Variants in UCN observed in about 807,000 individuals in gnomAD.
UCN encodes the protein urocortin.
Under a neutral mutation model 6.5 loss-of-function variants are expected in UCN, and 5 were observed. That is an observed-to-expected ratio of 0.77 (90% CI 0.40 to 1.62). The LOEUF (loss-of-function observed/expected upper bound fraction) is 1.62. Among genes scored for constraint, UCN ranks in the 40% most tolerant of loss-of-function variants. The pLI is 0.02. For missense variants in UCN, 195 were observed against 188.8 expected (o/e 1.03, Z -0.19); for synonymous variants, 95 against 96.4 (o/e 0.99, Z 0.09).
chr2:27,308,063 C>G lies in UCN; in HGVS notation c.-14+97G>C, dbSNP rs1679292468. On this transcript the variant is annotated intron_variant, in intron 1 of 1. Coordinates refer to ENST00000296099, the MANE Select transcript of UCN (RefSeq NM_003353.4). This position sits in a 1 kb window ranked among gnomAD's most constrained non-coding sequence, Gnocchi z 4.2. ...GCCACTGCGCCAGTGCTGTTCCATC[C>G]CTTCCACCCAGCCTCCCTCCCCGGA... The G allele has an allele frequency of 6.1e-6, 4 of 650,768 alleles. No individual in the cohort carries two copies. The highest frequency in any genetic ancestry group is 9.0e-6 in the Non-Finnish European group (4 of 444,126). The allele number at this position is 650,768 out of a possible 1,614,324, so 40.3% of individuals were successfully genotyped here. A position where few individuals can be genotyped will look rare whatever the true frequency, so the allele number is the denominator to read the frequency against.
Position 27,307,975 on chromosome 2 carries a change from C to G in UCN, c.-13-67G>C. 1.5e-6 allele frequency: 2 copies of G among 1,302,632 alleles called. No individual in the cohort carries two copies. The allele number at this position is 1,302,632 out of a possible 1,614,324, so 80.7% of individuals were successfully genotyped here. On this transcript the variant is annotated intron_variant, in intron 1 of 1. Coordinates refer to ENST00000296099, the MANE Select transcript of UCN (RefSeq NM_003353.4). The surrounding 1 kb of genome is among the most constrained non-coding windows in gnomAD (Gnocchi z 6.9). ...CAGCTGCAGGCCGCCGCTCCCCTCC[C>G]CGCGCTCGCCCGGCGACCCCTCCGG...
chr2:27,307,856 GCAGCGCGGCCAGCA>G lies in UCN; in HGVS notation c.26_39del (p.Leu9ProfsTer77). 1 of 1,492,578 alleles carries G rather than the reference GCAGCGCGGCCAGCA, an allele frequency of 6.7e-7. No homozygotes were observed. The highest frequency in any genetic ancestry group is 2.8e-5 in the East Asian group (1 of 35,366). 92.5% of individuals were successfully genotyped at this position (1,492,578 alleles called of 1,614,324 possible). On this transcript the variant is annotated frameshift_variant, in exon 2 of 2. Coordinates refer to ENST00000296099, the MANE Select transcript of UCN (RefSeq NM_003353.4). LOFTEE classifies it high-confidence loss of function. This position sits in a 1 kb window ranked among gnomAD's most constrained non-coding sequence, Gnocchi z 6.9. ...CCAGGGCACAGCTGTACCAGGAGCA[GCAGCGCGGCCAGCA>G]GCGCTGCGCGTCCCGCCTGCCTCAT...
rs1184855349 is a variant in UCN at position 27,307,857 on chromosome 2, CAG to C, written c.37_38del (p.Leu13AlafsTer77). 6.7e-7 allele frequency: 1 copy of C among 1,491,276 alleles called. No homozygotes were observed. Among genetic ancestry groups the C allele is most frequent in the Non-Finnish European group, 8.9e-7 (1 of 1,128,598 alleles). The allele number at this position is 1,491,276 out of a possible 1,614,324, so 92.4% of individuals were successfully genotyped here. ...QAGRAALLAALLLLVQLCPGS... is the reference protein window; with the variant it reads ...QAGRAALLAAXLLLVQLCPGS... ...CAGGGCACAGCTGTACCAGGAGCAGCAGCGCGGCCAGCAGCGCTGCGCGTCCC... is the reference window on the plus strand; with the variant it reads ...CAGGGCACAGCTGTACCAGGAGCAGCCGCGGCCAGCAGCGCTGCGCGTCCC... On this transcript the variant is annotated frameshift_variant, in exon 2 of 2. Transcript: ENST00000296099. LOFTEE classifies it high-confidence loss of function. This position sits in a 1 kb window ranked among gnomAD's most constrained non-coding sequence, Gnocchi z 6.9.
chr2:27,307,922 G>A lies in UCN; in HGVS notation c.-13-14C>T. On this transcript the variant is annotated splice_polypyrimidine_tract_variant and intron_variant, in intron 1 of 1. Coordinates refer to ENST00000296099, the MANE Select transcript of UCN (RefSeq NM_003353.4). This position sits in a 1 kb window ranked among gnomAD's most constrained non-coding sequence, Gnocchi z 6.9. ...GTGCCGCCGGCCCTGGACACACAGGGGCAGCGCAGGGTGAGGTGCGCCTGG... is the reference window on the plus strand; with the variant it reads ...GTGCCGCCGGCCCTGGACACACAGGAGCAGCGCAGGGTGAGGTGCGCCTGG... 5 of 1,409,608 alleles carry A rather than the reference G, an allele frequency of 3.5e-6. No homozygotes were observed. The highest frequency in any genetic ancestry group is 3.2e-5 in the Admixed American group (1 of 31,348). The allele number at this position is 1,409,608 out of a possible 1,614,324, so 87.3% of individuals were successfully genotyped here.
chr2:27,308,316 A>G lies in UCN; in HGVS notation c.-170T>C, dbSNP rs993519021. The G allele has an allele frequency of 6.2e-6, 1 of 161,054 alleles. No individual in the cohort carries two copies. The highest frequency in any genetic ancestry group is 1.3e-5 in the Non-Finnish European group (1 of 74,302). 10.0% of individuals were successfully genotyped at this position (161,054 alleles called of 1,614,324 possible). On this transcript the variant is annotated 5_prime_UTR_variant, in exon 1 of 2. It removes an upstream start codon present in the reference 5' UTR. Coordinates refer to ENST00000296099, the MANE Select transcript of UCN (RefSeq NM_003353.4). The surrounding 1 kb of genome is among the most constrained non-coding windows in gnomAD (Gnocchi z 4.2). ...GCTCCGACTGACGTCAGCGAAGAACATGCACTGATTGTAGAAGCAATGACA... is the reference window on the plus strand; with the variant it reads ...GCTCCGACTGACGTCAGCGAAGAACGTGCACTGATTGTAGAAGCAATGACA...
rs1315938674 is a variant in UCN, at chr2:27,307,450, G to A, written c.*71C>T. On this transcript the variant is annotated 3_prime_UTR_variant, in exon 2 of 2. Transcript: ENST00000296099. This position sits in a 1 kb window ranked among gnomAD's most constrained non-coding sequence, Gnocchi z 6.9. ...ATAGTCACGCAGACAGTGCCCTGGT[G>A]GCTCTGCCCCGCATCCCAACTCTGG... 17 of 1,600,632 alleles carry A rather than the reference G, an allele frequency of 1.1e-5. No individual in the cohort carries two copies. Among genetic ancestry groups the A allele is most frequent in the Non-Finnish European group, 1.4e-5 (17 of 1,175,130 alleles).
In UCN at chr2:27,307,412, C is replaced by T; in HGVS notation, c.*109G>A. On this transcript the variant is annotated 3_prime_UTR_variant, in exon 2 of 2. Coordinates refer to ENST00000296099, the MANE Select transcript of UCN (RefSeq NM_003353.4). This position sits in a 1 kb window ranked among gnomAD's most constrained non-coding sequence, Gnocchi z 6.9. Reference sequence around the variant, plus strand: ...GACAAAAGCCAACGGGTCTTCAGTACTTTTATTAAAAAATAGTCACGCAGA... The same window carrying T: ...GACAAAAGCCAACGGGTCTTCAGTATTTTTATTAAAAAATAGTCACGCAGA... 3 of 1,509,652 alleles carry T rather than the reference C, an allele frequency of 2.0e-6. No homozygotes were observed. The highest frequency in any genetic ancestry group is 2.7e-6 in the Non-Finnish European group (3 of 1,130,194). The allele number at this position is 1,509,652 out of a possible 1,614,324, so 93.5% of individuals were successfully genotyped here. A position where few individuals can be genotyped will look rare whatever the true frequency, so the allele number is the denominator to read the frequency against.
Position 27,307,601 on chromosome 2 carries a change from G to C in UCN, c.295C>G (p.Leu99Val). The change falls in exon 2 of 2, where the codon CTG (leucine) becomes GTG (valine). Residue 99 changes from leucine (L) to valine (V), a missense_variant. By Grantham distance (32) the Leu-to-Val change is conservative (BLOSUM62 1). Transcript: ENST00000296099. The surrounding 1 kb of genome is among the most constrained non-coding windows in gnomAD (Gnocchi z 6.9). ...CTCTGCGTCCGCGCCAGCTCCAGCA[G>C]GGTCCGCAGCAGGTGAAAGGTGAGG... ...IDLTFHLLRTLLELARTQSQR... is the reference protein window; with the variant it reads ...IDLTFHLLRTVLELARTQSQR... 6.2e-7 allele frequency: 1 copy of C among 1,612,816 alleles called. No individual in the cohort carries two copies. Among genetic ancestry groups the C allele is most frequent in the Non-Finnish European group, 8.5e-7 (1 of 1,179,956 alleles).
chr2:27,308,032 G>A lies in UCN; in HGVS notation c.-13-124C>T. On this transcript the variant is annotated intron_variant, in intron 1 of 1. Transcript: ENST00000296099. The surrounding 1 kb of genome is among the most constrained non-coding windows in gnomAD (Gnocchi z 4.2). ...CCCAATGCCCGCAGCCTGCCCTCCA[G>A]CCCCAGCCACTGCGCCAGTGCTGTT... The A allele has an allele frequency of 1.1e-6, 1 of 916,930 alleles. No individual in the cohort carries two copies. Among genetic ancestry groups the A allele is most frequent in the Non-Finnish European group, 1.5e-6 (1 of 679,870 alleles). The allele number at this position is 916,930 out of a possible 1,614,324, so 56.8% of individuals were successfully genotyped here.
At position 27,307,448 on chromosome 2, in the gene UCN, G is replaced by C; in HGVS notation, c.*73C>G. ...AAATAGTCACGCAGACAGTGCCCTG[G>C]TGGCTCTGCCCCGCATCCCAACTCT... On this transcript the variant is annotated 3_prime_UTR_variant, in exon 2 of 2. Transcript: ENST00000296099. This position sits in a 1 kb window ranked among gnomAD's most constrained non-coding sequence, Gnocchi z 6.9. 6.3e-7 allele frequency: 1 copy of C among 1,599,884 alleles called. No individual in the cohort carries two copies. Among genetic ancestry groups the C allele is most frequent in the Non-Finnish European group, 8.5e-7 (1 of 1,174,712 alleles).
chr2:27,307,720 G>T lies in UCN; in HGVS notation c.176C>A (p.Ala59Glu). 1 of 1,531,842 alleles carries T rather than the reference G, an allele frequency of 6.5e-7. No individual in the cohort carries two copies. Among genetic ancestry groups the T allele is most frequent in the Non-Finnish European group, 8.8e-7 (1 of 1,141,658 alleles). The allele number at this position is 1,531,842 out of a possible 1,614,324, so 94.9% of individuals were successfully genotyped here. ...GGARALLLLL[A>E]ERFPRRAGPG... The stretch of plus-strand genomic sequence containing the variant: ...CCCCGCGCGGCGCGGGAAGCGCTCC[G>T]CCAGCAGCAAGAGGAGCGCGCGGGC... The change falls in exon 2 of 2, where the codon GCG becomes GAG. Residue 59 changes from alanine (A) to glutamate (E), a missense_variant. Transcript: ENST00000296099. The surrounding 1 kb of genome is among the most constrained non-coding windows in gnomAD (Gnocchi z 6.9).
In UCN at chr2:27,307,665, G is replaced by A; in HGVS notation, c.231C>T (p.Gly77=). The A allele has an allele frequency of 1.2e-6, 2 of 1,603,490 alleles. No individual in the cohort carries two copies. Among genetic ancestry groups the A allele is most frequent in the Admixed American group, 1.7e-5 (1 of 58,712 alleles). Residue 77 remains glycine (G), a synonymous_variant, in exon 2 of 2, where the codon GGC becomes GGT. Coordinates refer to ENST00000296099, the MANE Select transcript of UCN (RefSeq NM_003353.4). The surrounding 1 kb of genome is among the most constrained non-coding windows in gnomAD (Gnocchi z 6.9). ...GPGRLGLGTA[G]ERPRRDNPSL... The stretch of plus-strand genomic sequence containing the variant: ...AAGGGTTGTCCCGCCGCGGCCGCTC[G>A]CCTGCCGTCCCGAGTCCCAATCGGC...
In UCN at chr2:27,307,941, C is replaced by A; in HGVS notation, c.-13-33G>T. 1 of 1,347,526 alleles carries A rather than the reference C, an allele frequency of 7.4e-7. No individual in the cohort carries two copies. Among genetic ancestry groups the A allele is most frequent in the Non-Finnish European group, 9.5e-7 (1 of 1,054,646 alleles). 83.5% of individuals were successfully genotyped at this position (1,347,526 alleles called of 1,614,324 possible). ...CACAGGGGCAGCGCAGGGTGAGGTG[C>A]GCCTGGGACAGCTGCAGGCCGCCGC... On this transcript the variant is annotated intron_variant, in intron 1 of 1. Coordinates refer to ENST00000296099, the MANE Select transcript of UCN (RefSeq NM_003353.4). This position sits in a 1 kb window ranked among gnomAD's most constrained non-coding sequence, Gnocchi z 6.9.
At position 27,307,781 on chromosome 2, in the gene UCN, G is replaced by T. The variant is rs994808803; in HGVS notation, c.115C>A (p.Arg39Ser). The change falls in exon 2 of 2, where the codon CGC becomes AGC. Residue 39 changes from arginine (R) to serine (S), a missense_variant. Arg to Ser is a moderately radical substitution (Grantham distance 110). Coordinates refer to ENST00000296099, the MANE Select transcript of UCN (RefSeq NM_003353.4). The surrounding 1 kb of genome is among the most constrained non-coding windows in gnomAD (Gnocchi z 6.9). ...TGGTTCCGTGCCCCGGGGCTCCAGC[G>T]CAGACTCGGGTCCTGGACCCCGGCC... ...EAAGVQDPSL[R>S]WSPGARNQGG... 1.9e-5 allele frequency: 28 copies of T among 1,511,454 alleles called. No individual in the cohort carries two copies. The highest frequency in any genetic ancestry group is 2.3e-5 in the Non-Finnish European group (26 of 1,133,898). 93.6% of individuals were successfully genotyped at this position (1,511,454 alleles called of 1,614,324 possible). A position where few individuals can be genotyped will look rare whatever the true frequency, so the allele number is the denominator to read the frequency against.
rs1164542016 is a variant in UCN, at chr2:27,307,461, G to A, written c.*60C>T. 8.1e-6 allele frequency: 13 copies of A among 1,605,340 alleles called. No individual in the cohort carries two copies. The highest frequency in any genetic ancestry group is 1.7e-5 in the Admixed American group (1 of 59,554). On this transcript the variant is annotated 3_prime_UTR_variant, in exon 2 of 2. Transcript: ENST00000296099. This position sits in a 1 kb window ranked among gnomAD's most constrained non-coding sequence, Gnocchi z 6.9. ...GACAGTGCCCTGGTGGCTCTGCCCC[G>A]CATCCCAACTCTGGGGTGGGGGAAA...
In UCN at chr2:27,307,477, G is replaced by T; in HGVS notation, c.*44C>A. On this transcript the variant is annotated 3_prime_UTR_variant, in exon 2 of 2. Transcript: ENST00000296099. This position sits in a 1 kb window ranked among gnomAD's most constrained non-coding sequence, Gnocchi z 6.9. ...CTCTGCCCCGCATCCCAACTCTGGG[G>T]TGGGGGAAAGGGGTCAACGTTTTCG... 6.2e-7 allele frequency: 1 copy of T among 1,610,288 alleles called. No homozygotes were observed. Among genetic ancestry groups the T allele is most frequent in the Non-Finnish European group, 8.5e-7 (1 of 1,179,194 alleles).
chr2:27,307,536 G>A lies in UCN; in HGVS notation c.360C>T (p.Asp120=). The change falls in exon 2 of 2, where the codon GAC becomes GAT. Residue 120 remains aspartate, a synonymous_variant. Transcript: ENST00000296099. The surrounding 1 kb of genome is among the most constrained non-coding windows in gnomAD (Gnocchi z 6.9). ...ERAEQNRIIF[D]SVGK ...AACCGGGCCATCACTTGCCCACCGA[G>A]TCGAATATGATGCGGTTCTGCTCGG... 6.2e-7 allele frequency: 1 copy of A among 1,613,012 alleles called. No individual in the cohort carries two copies. The highest frequency in any genetic ancestry group is 8.5e-7 in the Non-Finnish European group (1 of 1,179,920).
chr2:27,307,814 G>T lies in UCN; in HGVS notation c.82C>A (p.Pro28Thr). 1 of 1,505,538 alleles carries T rather than the reference G, an allele frequency of 6.6e-7. No homozygotes were observed. 93.3% of individuals were successfully genotyped at this position (1,505,538 alleles called of 1,614,324 possible). ...QLCPGSSQRS[P>T]EAAGVQDPSL... ...GGGTCCTGGACCCCGGCCGCCTCGG[G>T]GCTCCTCTGGCTGCTCCCAGGGCAC... The change falls in exon 2 of 2, where the codon CCC (proline) becomes ACC (threonine). Residue 28 changes from proline (P) to threonine (T), a missense_variant. Transcript: ENST00000296099. This position sits in a 1 kb window ranked among gnomAD's most constrained non-coding sequence, Gnocchi z 6.9.
At position 27,307,534 on chromosome 2, in the gene UCN, G is replaced by A. The variant is rs769091059; in HGVS notation, c.362C>T (p.Ser121Leu). The A allele has an allele frequency of 1.9e-6, 3 of 1,612,926 alleles. No homozygotes were observed. Among genetic ancestry groups the A allele is most frequent in the Non-Finnish European group, 2.5e-6 (3 of 1,179,890 alleles). Residue 121 changes from serine to leucine, a missense_variant, in exon 2 of 2, where the codon TCG (serine) becomes TTG (leucine). Transcript: ENST00000296099. The surrounding 1 kb of genome is among the most constrained non-coding windows in gnomAD (Gnocchi z 6.9). ...RAEQNRIIFD[S>L]VGK ...CAAACCGGGCCATCACTTGCCCACC[G>A]AGTCGAATATGATGCGGTTCTGCTC...
Sources: gnomAD v4.1 joint callset for allele counts on GRCh38, gnomAD v4.1.1 for gene constraint, Gnocchi (gnomAD v3.1) non-coding constraint, MANE v1.5 for transcripts, NCBI Gene and HGNC (gene_info 2026-07-23, HGNC 2026-07-21) for gene names.